Variants in SLX9 observed in about 807,000 individuals in gnomAD.
SLX9 encodes the protein SLX9 ribosome biogenesis factor.
In SLX9, 19 loss-of-function variants were observed where a neutral mutation model predicts 20.8. That is an observed-to-expected ratio of 0.91 (90% CI 0.64 to 1.34). The LOEUF is 1.34. Ranked by LOEUF, SLX9 falls within the 40% of genes most tolerant of loss-of-function variation. SLX9 has a pLI of 0.00. For missense variants in SLX9, 299 were observed against 322.2 expected (o/e 0.93, Z 0.55); for synonymous variants, 113 against 137.1 (o/e 0.82, Z 1.23).
At chr21:44,974,675 C>G (rs1426331052) in intron 5 of SLX9, among the ~76,000 whole-genome samples, 1 of 152,232 alleles carries the variant, frequency 6.6e-6, no homozygotes, top group African/African-American at 2.4e-5. Flanking sequence ...CAGCGATCCT[C>G]CTGCCTCGGC....
chr21:44,956,495 TGTGCCGCTTCAGCTGGTGACCTGG>T (rs2084859818), intron 2 of SLX9, among the ~76,000 whole-genome samples: 1 of 152,204 alleles, frequency 6.6e-6, no homozygotes, highest in South Asian at 2.1e-4. Flanking sequence ...GCTGCTGGCA[TGTGCCGCTTCAGCTGGTGACCTGG>T]GTGGTGTTGG....
chr21:44,954,161 G>T (rs552749859), intron 2 of SLX9, among the ~76,000 whole-genome samples: 1 of 152,306 alleles, frequency 6.6e-6, no homozygotes, highest in East Asian at 1.9e-4. Context: ...TGTGCCAGGA[G>T]CCTGCTGCTG....
chr21:44,945,341 G>C (rs2084623065), intron 2 of SLX9, among the ~76,000 whole-genome samples: 1 of 152,230 alleles, frequency 6.6e-6, no homozygotes, highest in Non-Finnish European at 1.5e-5. Flanking sequence ...TGTGTCCCTG[G>C]TTGCTGACAA....
At chr21:44,969,465 G>A (rs1015189301) in intron 4 of SLX9, among the ~76,000 whole-genome samples, 3 of 152,170 alleles carry the variant, frequency 2.0e-5, no homozygotes, top group Non-Finnish European at 4.4e-5. Flanking sequence ...CGGGGCTCTG[G>A]GCCGGGAAGG....
rs2084517392 is a variant in SLX9 at position 44,940,306 on chromosome 21, TGCTGC to T, written c.129+124_129+128del. 10 of 1,171,848 alleles carry T rather than the reference TGCTGC, an allele frequency of 8.5e-6. No homozygotes were observed. The Admixed American group carries it at 4.1e-4, about 48-fold the overall frequency. The allele number at this position is 1,171,848 out of a possible 1,614,324, so 72.6% of individuals were successfully genotyped here. A position where few individuals can be genotyped will look rare whatever the true frequency, so the allele number is the denominator to read the frequency against. On this transcript the variant is annotated intron_variant, in intron 1 of 5. Transcript: ENST00000291634. ...CCTTCCCTCGGGCTCTGCGGGCATT[TGCTGC>T]GCTACAGACGCGACCTTCTTGCTTC...
At chr21:44,975,308 A>T (rs1302847496) in intron 5 of SLX9, among the ~76,000 whole-genome samples, 1 of 152,138 alleles carries the variant, frequency 6.6e-6, no homozygotes, top group Non-Finnish European at 1.5e-5. Context: ...TGCTCCCCTG[A>T]GTACGAAACC....
chr21:44,976,654 C>T lies in SLX9; in HGVS notation c.570-26C>T, dbSNP rs2085268968. The T allele has an allele frequency of 1.9e-6, 3 of 1,571,310 alleles. No individual in the cohort carries two copies. In the African/African-American group the frequency reaches 4.0e-5, roughly 21 times the overall value. ...TGAGGGGTCCGGGGGTTCCTGCCTG[C>T]TGATCTGTGGTCTCCATTCTTTCAG... is the stretch of plus-strand genomic sequence containing the variant. On this transcript the variant is annotated intron_variant, in intron 5 of 5. Coordinates refer to ENST00000291634, the MANE Select transcript of SLX9 (RefSeq NM_058190.4).
intron 4 of SLX9, among the ~76,000 whole-genome samples, chr21:44,968,385 G>A (rs1307625175): frequency 6.6e-6 from 1 of 152,256 alleles, no homozygotes; most frequent in African/African-American, 2.4e-5. Flanking sequence ...TGTGGACAGT[G>A]TTCCATGTGC....
chr21:44,941,396 A>C (rs1317050852), intron 1 of SLX9, among the ~76,000 whole-genome samples: 1 of 150,592 alleles, frequency 6.6e-6, no homozygotes, highest in Non-Finnish European at 1.5e-5. Context: ...GAACTGAACT[A>C]TGTGACCTCT....
intron 2 of SLX9, among the ~76,000 whole-genome samples, chr21:44,944,565 G>T (rs1025691914): frequency 2.6e-5 from 4 of 152,228 alleles, no homozygotes; most frequent in African/African-American, 9.6e-5. Context: ...CCAGGAAAAA[G>T]CTTCCTTCAC....
chr21:44,973,403 C>T (rs2085197399), intron 5 of SLX9, 138 bp downstream of exon 5: 1 of 598,704 alleles, frequency 1.7e-6, no homozygotes, highest in Non-Finnish European at 3.0e-6. Flanking sequence ...GTGCCCTCAC[C>T]CCGCCCACCC....
upstream of SLX9, chr21:44,940,027 C>T (rs993222631): frequency 2.9e-6 from 4 of 1,400,870 alleles, no homozygotes; most frequent in Non-Finnish European, 3.7e-6. Context: ...CCGGGAGGCG[C>T]TCCGCACGTT....
chr21:44,976,559 C>T (rs950215491), intron 5 of SLX9, 121 bp from the exon 6 acceptor site: 3 of 1,436,860 alleles, frequency 2.1e-6, no homozygotes, highest in Non-Finnish European at 2.8e-6. Context: ...GGCCCCAGTA[C>T]TCAGTCCCGT....
intron 3 of SLX9, among the ~76,000 whole-genome samples, chr21:44,964,523 A>G (rs1454120627): frequency 6.6e-6 from 1 of 152,100 alleles, no homozygotes; most frequent in African/African-American, 2.4e-5. Context: ...TGTTTTGTCC[A>G]CATACCTCCC....
At chr21:44,974,058 G>A (rs141484504) in intron 5 of SLX9, among the ~76,000 whole-genome samples, 2 of 152,248 alleles carry the variant, frequency 1.3e-5, no homozygotes, top group Admixed American at 6.5e-5. Context: ...TTTGTACTCA[G>A]TTGTCCTCTT....
At chr21:44,959,553 G>A (rs954122970) in intron 2 of SLX9, among the ~76,000 whole-genome samples, 1 of 152,218 alleles carries the variant, frequency 6.6e-6, no homozygotes, top group Non-Finnish European at 1.5e-5. Flanking sequence ...GGGCACCTGT[G>A]GAGTTCACTT....
At chr21:44,962,347 G>T (rs969313864) in intron 3 of SLX9, among the ~76,000 whole-genome samples, 1 of 152,138 alleles carries the variant, frequency 6.6e-6, no homozygotes, top group Non-Finnish European at 1.5e-5. Context: ...GGCCCCAGAG[G>T]TAACAACTGC....
At chr21:44,955,878 G>C (rs1394590034) in intron 2 of SLX9, among the ~76,000 whole-genome samples, 1 of 152,206 alleles carries the variant, frequency 6.6e-6, no homozygotes, top group African/African-American at 2.4e-5. Flanking sequence ...GATCCAGTCT[G>C]ATGAACGTCT....
At chr21:44,948,631 C>A (rs1435287956) in intron 2 of SLX9, among the ~76,000 whole-genome samples, 1 of 152,154 alleles carries the variant, frequency 6.6e-6, no homozygotes, top group Non-Finnish European at 1.5e-5. Flanking sequence ...AGGCCTGTCA[C>A]CATTGCTGGA....
Sources: gnomAD v4.1 joint callset for allele counts (sites outside exome capture counted in the v4.1 genomes callset) on GRCh38, gnomAD v4.1.1 for gene constraint, MANE v1.5 for transcripts, NCBI Gene and HGNC (gene_info 2026-07-23, HGNC 2026-07-21) for gene names.